MARCHF1: variants seen among roughly 807,000 people sequenced by gnomAD.
The protein encoded by MARCHF1 is membrane associated ring-CH-type finger 1.
Under a neutral mutation model 54.2 loss-of-function variants are expected in MARCHF1, and 40 were observed. The ratio of observed to expected loss-of-function variants is 0.74; its 90% CI spans 0.57 to 0.96. The LOEUF (loss-of-function observed/expected upper bound fraction) is 0.96, where lower values mean the gene tolerates loss of function less well. Ranked by LOEUF, MARCHF1 falls within the 40% of genes least tolerant of loss-of-function variation. The pLI is 0.00. For missense variants in MARCHF1, 586 were observed against 656.5 expected, an observed-to-expected ratio of 0.89 and a Z score of 1.17; for synonymous variants, 236 against 236.3, an observed-to-expected ratio of 1.00 and a Z score of 0.01.
In MARCHF1 at chr4:164,272,474, C is replaced by T. The variant is rs1733767161; in HGVS notation, c.-323+111396G>A. On this transcript the variant is annotated intron_variant, in intron 1 of 9. Coordinates refer to ENST00000514618, the MANE Select transcript of MARCHF1 (RefSeq NM_001394959.1). The stretch of plus-strand genomic sequence containing the variant: ...TTACTGTACATATGAATGTAAGTGT[C>T]AGCAAAACATATTGTTTAGTGAAAA... 2.6e-5 allele frequency among the ~76,000 whole-genome samples: 4 copies of T among 151,952 alleles called. No individual in the cohort carries two copies. In the South Asian group the frequency reaches 8.3e-4, roughly 32 times the overall value.
chr4:163,953,323 T>C (rs149218448), intron 3 of MARCHF1, among the ~76,000 whole-genome samples: 13 of 152,308 alleles, frequency 8.5e-5, no homozygotes, highest in African/African-American at 2.6e-4. Flanking sequence ...CCCACTTTCT[T>C]GCTGTATGAC....
chr4:163,559,899 T>G (rs1422957237), intron 8 of MARCHF1, among the ~76,000 whole-genome samples: 1 of 152,182 alleles, frequency 6.6e-6, no homozygotes, highest in East Asian at 1.9e-4. Flanking sequence ...TGTCTTAAAA[T>G]TTCTTGCCCA....
At chr4:163,603,295 C>G (rs936163786) in intron 7 of MARCHF1, among the ~76,000 whole-genome samples, 2 of 149,448 alleles carry the variant, frequency 1.3e-5, no homozygotes, top group African/African-American at 4.9e-5. Context: ...GATACACATA[C>G]GAAACTGGGA....
intron 5 of MARCHF1, among the ~76,000 whole-genome samples, chr4:163,622,008 C>T (rs955433360): frequency 6.6e-6 from 1 of 151,936 alleles, no homozygotes; most frequent in African/African-American, 2.4e-5. Flanking sequence ...GGCAGATGGA[C>T]CTGAGATAGT....
intron 1 of MARCHF1, among the ~76,000 whole-genome samples, chr4:164,118,060 AAG>A (rs1755977269): frequency 6.6e-6 from 1 of 152,016 alleles, no homozygotes; most frequent in African/African-American, 2.4e-5. Context: ...AGTTTAAGCA[AAG>A]AGATAAAAAG....
In MARCHF1 at chr4:163,700,864, C is replaced by G; in HGVS notation, c.112-1G>C. ...CAGATCGCCCTGGGGATTTTTCATT[C>G]TGAAAAATAAAATGGGAAACATTAA... On this transcript the variant is annotated splice_acceptor_variant, in intron 4 of 9. Coordinates refer to ENST00000514618, the MANE Select transcript of MARCHF1 (RefSeq NM_001394959.1). LOFTEE classifies it high-confidence loss of function. 1 of 1,533,768 alleles carries G rather than the reference C, an allele frequency of 6.5e-7. No individual in the cohort carries two copies. The highest frequency in any genetic ancestry group is 8.7e-7 in the Non-Finnish European group (1 of 1,144,176).
chr4:163,830,918 G>A (rs1218493118), intron 4 of MARCHF1, among the ~76,000 whole-genome samples: 2 of 152,134 alleles, frequency 1.3e-5, no homozygotes, highest in African/African-American at 2.4e-5. Context: ...ATATAAGGAC[G>A]CCTACCAGCA....
At chr4:163,698,388 A>G (rs913390307) in intron 5 of MARCHF1, among the ~76,000 whole-genome samples, 2 of 152,206 alleles carry the variant, frequency 1.3e-5, no homozygotes, top group Non-Finnish European at 2.9e-5. Flanking sequence ...ACTCAACAAC[A>G]TATTTAGCAT....
chr4:163,897,275 C>G (rs186430524), intron 3 of MARCHF1, among the ~76,000 whole-genome samples: 1 of 152,282 alleles, frequency 6.6e-6, no homozygotes, highest in East Asian at 1.9e-4. Context: ...TTGGGATATA[C>G]AACTTACTGA....
chr4:163,863,671 C>A (rs1027290044), intron 3 of MARCHF1, among the ~76,000 whole-genome samples: 1 of 151,920 alleles, frequency 6.6e-6, no homozygotes. Context: ...AACAATGATA[C>A]CCTAGTGGCA....
intron 1 of MARCHF1, among the ~76,000 whole-genome samples, chr4:164,287,342 G>A (rs867391527): frequency 1.5e-4 from 23 of 152,092 alleles, no homozygotes; most frequent in South Asian, 4.1e-4. Flanking sequence ...TTGCTATTAC[G>A]TTCCTTGCCT....
chr4:164,021,246 G>A (rs1181931781), intron 2 of MARCHF1, among the ~76,000 whole-genome samples: 2 of 152,058 alleles, frequency 1.3e-5, no homozygotes, highest in African/African-American at 2.4e-5. Flanking sequence ...TCTAGCCAGT[G>A]GCTACTTTCC....
intron 2 of MARCHF1, among the ~76,000 whole-genome samples, chr4:164,045,675 C>T (rs1245425054): frequency 9.2e-6 from 1 of 108,720 alleles, no homozygotes; most frequent in Non-Finnish European, 1.8e-5. Flanking sequence ...ATCATTCTGG[C>T]TTAGTAAAAA....
chr4:164,331,662 C>T (rs993475431), intron 1 of MARCHF1, among the ~76,000 whole-genome samples: 2 of 152,170 alleles, frequency 1.3e-5, no homozygotes, highest in Admixed American at 1.3e-4. Flanking sequence ...CTTTTGGTCA[C>T]ATTTATATAT....
intron 5 of MARCHF1, among the ~76,000 whole-genome samples, chr4:163,638,662 G>T (rs746033245): frequency 5.3e-5 from 8 of 151,864 alleles, no homozygotes; most frequent in Non-Finnish European, 1.2e-4. Flanking sequence ...TCCACTCCCG[G>T]GTATCTATCC....
intron 7 of MARCHF1, among the ~76,000 whole-genome samples, chr4:163,605,392 C>A (rs4691929): frequency 0.92 from 139,686 of 152,260 alleles, 64,177 homozygotes; most frequent in African/African-American, 0.97. Context: ...CGATCATTAA[C>A]AATTCAGGAA....
At chr4:164,149,222 T>A (rs1053161954) in intron 1 of MARCHF1, among the ~76,000 whole-genome samples, 2 of 152,158 alleles carry the variant, frequency 1.3e-5, no homozygotes, top group Non-Finnish European at 2.9e-5. Context: ...TGTTTGTACA[T>A]CCTGCAGAAC....
chr4:164,263,904 A>C (rs1323584379), intron 1 of MARCHF1, among the ~76,000 whole-genome samples: 1 of 152,220 alleles, frequency 6.6e-6, no homozygotes, highest in Non-Finnish European at 1.5e-5. Context: ...GTGGGTGTGC[A>C]AATCAGTTCA....
intron 1 of MARCHF1, among the ~76,000 whole-genome samples, chr4:164,176,515 A>G (rs899697812): frequency 6.6e-6 from 1 of 152,164 alleles, no homozygotes; most frequent in Non-Finnish European, 1.5e-5. Flanking sequence ...AGCAATCCTA[A>G]TATTTAATTG....
Sources: gnomAD v4.1 joint callset for allele counts (sites outside exome capture counted in the v4.1 genomes callset) on GRCh38, gnomAD v4.1.1 for gene constraint, MANE v1.5 for transcripts, NCBI Gene and HGNC (gene_info 2026-07-23, HGNC 2026-07-21) for gene names.